Variants in ARHGAP8 observed in about 807,000 individuals in gnomAD.
ARHGAP8 encodes the protein Rho GTPase activating protein 8.
In ARHGAP8, 62 loss-of-function variants were observed where a neutral mutation model predicts 46.1. The observed-to-expected ratio is 1.34, with a 90% CI of 1.10 to 1.66. ARHGAP8 has a LOEUF of 1.66. Among genes scored for constraint, ARHGAP8 ranks in the 40% most tolerant of loss-of-function variants. The pLI, the probability that ARHGAP8 is intolerant of heterozygous loss-of-function variation, is 0.00. For missense variants in ARHGAP8, 923 were observed against 568.4 expected (o/e 1.62, Z -6.34); for synonymous variants, 375 against 243.1 (o/e 1.54, Z -5.05).
At chr22:44,807,018 G>A (rs910127002) in intron 3 of ARHGAP8, among the ~76,000 whole-genome samples, 23 of 152,118 alleles carry the variant, frequency 1.5e-4, no homozygotes, top group Non-Finnish European at 2.6e-4. Context: ...TGGTCTCCAG[G>A]CTTCCGGGCA....
intron 2 of ARHGAP8, among the ~76,000 whole-genome samples, chr22:44,800,100 C>CT (rs769010356): frequency 0.11 from 10,530 of 92,436 alleles, 761 homozygotes; most frequent in East Asian, 0.27. Context: ...TCTGTTCTGT[C>CT]TTTTTTTTTT....
At chr22:44,847,282 A>G (rs1397951919) in intron 8 of ARHGAP8, among the ~76,000 whole-genome samples, 1 of 152,174 alleles carries the variant, frequency 6.6e-6, no homozygotes, top group African/African-American at 2.4e-5. Context: ...CAAGCACTGA[A>G]AATGCTCTTT....
intron 1 of ARHGAP8, among the ~76,000 whole-genome samples, chr22:44,771,464 C>G (rs1310126503): frequency 6.6e-6 from 1 of 151,696 alleles, no homozygotes; most frequent in Non-Finnish European, 1.5e-5. Flanking sequence ...CCAGGCTGGT[C>G]TCGAACTCCT....
chr22:44,847,894 G>A, intron 8 of ARHGAP8, 79 bp from the exon 9 acceptor site: 2 of 1,564,588 alleles, frequency 1.3e-6, no homozygotes, highest in Non-Finnish European at 1.7e-6. Context: ...TGATGCCGTG[G>A]GCAGGGGAGT....
At chr22:44,861,368 G>C (rs1601538942) in intron 11 of ARHGAP8, among the ~76,000 whole-genome samples, 1 of 152,238 alleles carries the variant, frequency 6.6e-6, no homozygotes, top group Admixed American at 6.5e-5. Flanking sequence ...GGTGTTGCGT[G>C]TTATCACCCC....
intron 4 of ARHGAP8, 106 bp from the exon 5 acceptor site, chr22:44,814,566 G>GT: frequency 1.1e-6 from 1 of 928,858 alleles, no homozygotes; most frequent in Non-Finnish European, 1.7e-6. Context: ...GTTGAGAGGA[G>GT]TAACATTCTG....
intron 1 of ARHGAP8, among the ~76,000 whole-genome samples, chr22:44,753,713 A>AACCGCAGAGTCC (rs1190660819): frequency 6.6e-6 from 1 of 152,110 alleles, no homozygotes; most frequent in Non-Finnish European, 1.5e-5. Flanking sequence ...CCGGAGAAGG[A>AACCGCAGAGTCC]ACCGCAGAGT....
intron 4 of ARHGAP8, among the ~76,000 whole-genome samples, chr22:44,812,357 GCTTT>G (rs965733340): frequency 1.4e-4 from 13 of 93,782 alleles, no homozygotes; most frequent in Non-Finnish European, 2.4e-4. Flanking sequence ...TTTTTTTTTT[GCTTT>G]CTGTTTTTTT....
intron 7 of ARHGAP8, among the ~76,000 whole-genome samples, chr22:44,831,406 CTT>C (rs1407781251): frequency 1.3e-5 from 2 of 152,068 alleles, no homozygotes; most frequent in African/African-American, 2.4e-5. Context: ...GTTGAAAAGA[CTT>C]TTCCTGGCCA....
At chr22:44,814,618 G>A in intron 4 of ARHGAP8, 54 bp from the exon 5 acceptor site, 1 of 1,521,812 alleles carries the variant, frequency 6.6e-7, no homozygotes, top group Non-Finnish European at 9.0e-7. Context: ...TATTGGGCGT[G>A]GGGTGTTTCT....
At chr22:44,814,851 G>C (rs1348159433) in intron 5 of ARHGAP8, 93 bp downstream of exon 5, 1 of 1,442,702 alleles carries the variant, frequency 6.9e-7, no homozygotes, top group African/African-American at 1.4e-5. Context: ...GCATCATGGA[G>C]GGCCCGTCTC....
chr22:44,853,404 C>G (rs1231621643), intron 10 of ARHGAP8, among the ~76,000 whole-genome samples: 2 of 152,132 alleles, frequency 1.3e-5, no homozygotes, highest in East Asian at 1.9e-4. Flanking sequence ...CTTTGTCATG[C>G]CAACTCAGGG....
At chr22:44,833,742 G>C (rs770371980) in intron 7 of ARHGAP8, among the ~76,000 whole-genome samples, 16 of 152,004 alleles carry the variant, frequency 1.1e-4, no homozygotes, top group Non-Finnish European at 2.4e-4. Context: ...GAGTTAATTT[G>C]TTAAACATTT....
chr22:44,799,010 G>A (rs1439159013), intron 2 of ARHGAP8, among the ~76,000 whole-genome samples: 1 of 152,352 alleles, frequency 6.6e-6, no homozygotes, highest in East Asian at 1.9e-4. Context: ...GGAAGAGGGA[G>A]CAGAAAGTGC....
intron 2 of ARHGAP8, 151 bp from the exon 3 acceptor site, chr22:44,801,926 T>TA: frequency 1.3e-6 from 1 of 745,068 alleles, no homozygotes; most frequent in South Asian, 1.7e-5. Context: ...AGGTGATGGA[T>TA]GCTCACTCAG....
chr22:44,862,579 C>A lies in ARHGAP8; in HGVS notation c.1286C>A (p.Ala429Asp), dbSNP rs778388116. 2 of 1,585,488 alleles carry A rather than the reference C, an allele frequency of 1.3e-6. No individual in the cohort carries two copies. Among genetic ancestry groups the A allele is most frequent in the Non-Finnish European group, 1.7e-6 (2 of 1,160,396 alleles). Residue 429 changes from alanine (A) to aspartate (D), a missense_variant, in exon 12 of 12, where the codon GCC (alanine) becomes GAC (aspartate). Ala to Asp is a moderately radical substitution (Grantham distance 126, BLOSUM62 -2). Coordinates refer to ENST00000356099, the MANE Select transcript of ARHGAP8 (RefSeq NM_181335.3). ...PTLPPSPLMA[A>D]RRRL is the part of the protein sequence containing the mutation. ...CTACCTCCGAGTCCCCTGATGGCAGCCAGAAGACGTCTCTAGTGTTGCGAA... is the reference window on the plus strand; with the variant it reads ...CTACCTCCGAGTCCCCTGATGGCAGACAGAAGACGTCTCTAGTGTTGCGAA...
intron 1 of ARHGAP8, among the ~76,000 whole-genome samples, chr22:44,766,524 G>A (rs891899727): frequency 6.6e-6 from 1 of 152,116 alleles, no homozygotes; most frequent in African/African-American, 2.4e-5. Flanking sequence ...CTGTGTGCGT[G>A]TGTCTGTAGG....
intron 1 of ARHGAP8, among the ~76,000 whole-genome samples, chr22:44,767,333 T>TC (rs144924678): frequency 1.1e-4 from 16 of 152,138 alleles, no homozygotes; most frequent in Non-Finnish European, 2.2e-4. Context: ...ATGCTCTTTC[T>TC]CCCCCTCTCT....
chr22:44,759,644 G>GT (rs1176020149), intron 1 of ARHGAP8, among the ~76,000 whole-genome samples: 1 of 152,168 alleles, frequency 6.6e-6, no homozygotes, highest in Non-Finnish European at 1.5e-5. Flanking sequence ...GACTCTCACA[G>GT]TGGTTCTGTC....
Sources: allele counts gnomAD v4.1 joint callset (sites outside exome capture counted in the v4.1 genomes callset), GRCh38; gene constraint gnomAD v4.1.1; transcripts MANE v1.5; gene names NCBI Gene and HGNC (gene_info 2026-07-23, HGNC 2026-07-21).